Variants in ANKFN1 observed in about 807,000 individuals in gnomAD.
ANKFN1 encodes the protein ankyrin repeat and fibronectin type-III domain-containing protein 1.
Under a neutral mutation model 108.7 loss-of-function variants are expected in ANKFN1, and 74 were observed. The observed-to-expected ratio is 0.68, with a 90% CI of 0.56 to 0.83. The LOEUF (loss-of-function observed/expected upper bound fraction) is 0.83. Ranked by LOEUF, ANKFN1 falls within the 40% of genes least tolerant of loss-of-function variation. ANKFN1 has a pLI of 0.00. For missense variants in ANKFN1, 1,505 were observed against 1,382.3 expected (o/e 1.09, Z -1.41); for synonymous variants, 547 against 516.2 (o/e 1.06, Z -0.81).
chr17:56,431,305 T>C (rs1359958227), intron 8 of ANKFN1, among the ~76,000 whole-genome samples: 3 of 152,194 alleles, frequency 2.0e-5, no homozygotes, highest in Non-Finnish European at 2.9e-5. Context: ...TGAGGATAAA[T>C]GTTAAAATTA....
intron 4 of ANKFN1, among the ~76,000 whole-genome samples, chr17:56,135,153 C>A (rs1907524670): frequency 1.3e-5 from 2 of 152,104 alleles, no homozygotes; most frequent in South Asian, 2.1e-4. Flanking sequence ...TAAAATAAAT[C>A]AAAGAATCTA....
chr17:56,378,869 C>T (rs1406048452), intron 8 of ANKFN1, among the ~76,000 whole-genome samples: 2 of 152,164 alleles, frequency 1.3e-5, no homozygotes, highest in African/African-American at 4.8e-5. Context: ...GTGCTCAAGA[C>T]TCACTTCTAA....
At chr17:56,454,718 G>A (rs1161404936) in intron 11 of ANKFN1, among the ~76,000 whole-genome samples, 2 of 152,154 alleles carry the variant, frequency 1.3e-5, no homozygotes, top group Non-Finnish European at 2.9e-5. Flanking sequence ...TGCTTGGAAG[G>A]TATAAGTTTG....
Position 56,049,554 on chromosome 17 carries a change from AC to A in ANKFN1, c.288+3231del, listed in dbSNP as rs1389536837. Among the ~76,000 whole-genome samples the A allele has an allele frequency of 4.7e-5, 7 of 147,782 alleles. No individual in the cohort carries two copies. The East Asian group carries it at 1.2e-3, about 26-fold the overall frequency. ...TATCCCTCCCCCTTCCCCCGACCCC[AC>A]CACAGTCCCCAGAGTGTGATATTCC... On this transcript the variant is annotated intron_variant, in intron 4 of 12. Transcript: ENST00000635860.
intron 1 of ANKFN1, among the ~76,000 whole-genome samples, chr17:56,156,760 C>T (rs915045317): frequency 3.9e-5 from 6 of 152,192 alleles, no homozygotes; most frequent in African/African-American, 1.4e-4. Flanking sequence ...TAGCAAACTA[C>T]AGCCCCACAG....
chr17:56,227,073 G>A (rs2143905552), intron 2 of ANKFN1, among the ~76,000 whole-genome samples: 1 of 152,266 alleles, frequency 6.6e-6, no homozygotes, highest in Non-Finnish European at 1.5e-5. Context: ...AGGACACCAT[G>A]ATTTGAGTGC....
intron 6 of ANKFN1, among the ~76,000 whole-genome samples, chr17:56,371,352 G>A (rs1017340671): frequency 2.6e-5 from 4 of 152,056 alleles, no homozygotes; most frequent in Non-Finnish European, 5.9e-5. Context: ...GTGCACAGAG[G>A]CAATAATAAA....
At chr17:56,405,515 C>T (rs1018199129) in intron 8 of ANKFN1, among the ~76,000 whole-genome samples, 1 of 151,984 alleles carries the variant, frequency 6.6e-6, no homozygotes, top group Non-Finnish European at 1.5e-5. Flanking sequence ...TAATCTTTGA[C>T]CTGGTAATTC....
intron 4 of ANKFN1, among the ~76,000 whole-genome samples, chr17:56,144,317 CA>C (rs1908125935): frequency 6.6e-6 from 1 of 152,130 alleles, no homozygotes; most frequent in South Asian, 2.1e-4. Context: ...GAGTACACCA[CA>C]GGTTGCACTT....
intron 1 of ANKFN1, among the ~76,000 whole-genome samples, chr17:56,162,804 G>A (rs543479169): frequency 2.0e-5 from 3 of 152,296 alleles, no homozygotes; most frequent in Admixed American, 6.5e-5. Flanking sequence ...GAGAGACTGA[G>A]GCGGGTGGAT....
chr17:56,467,898 A>C (rs1412952554), intron 15 of ANKFN1, among the ~76,000 whole-genome samples: 2 of 152,176 alleles, frequency 1.3e-5, no homozygotes, highest in Non-Finnish European at 2.9e-5. Context: ...GTTAAATGAC[A>C]TAGAGCTACA....
rs1291531746 is a variant in ANKFN1, at chr17:56,498,987, C to G, written c.2533C>G (p.Pro845Ala). The G allele has an allele frequency of 6.5e-7, 1 of 1,535,530 alleles. No homozygotes were observed. The highest frequency in any genetic ancestry group is 8.7e-7 in the Non-Finnish European group (1 of 1,146,622). Reference protein sequence around the residue: ...SGLPITKLIDPSDEQSLKKIN... With the variant: ...SGLPITKLIDASDEQSLKKIN... ...CTTGCCCATCACTAAGCTGATAGAC[C>G]CCTCAGATGAGCAGAGCCTAAAGAA... is the stretch of plus-strand genomic sequence containing the variant. Residue 845 changes from proline to alanine, a missense_variant, in exon 20 of 21, where the codon CCC becomes GCC. Transcript: ENST00000682825.
At chr17:56,092,175 C>T (rs1598093030) in intron 4 of ANKFN1, among the ~76,000 whole-genome samples, 1 of 151,184 alleles carries the variant, frequency 6.6e-6, no homozygotes, top group East Asian at 1.9e-4. Context: ...TATATAGAGA[C>T]CCATCTGCCT....
Position 56,178,905 on chromosome 17 carries a change from TTATTAA to T in ANKFN1, c.-71+25382_-71+25387del, listed in dbSNP as rs10548122. 8.1e-3 allele frequency among the ~76,000 whole-genome samples: 1,240 copies of T among 152,292 alleles called. 16 individuals are homozygous for T. The highest frequency in any genetic ancestry group is 0.028 in the African/African-American group (1,144 of 41,554). On this transcript the variant is annotated intron_variant, in intron 1 of 20. Coordinates refer to ENST00000682825, the MANE Select transcript of ANKFN1 (RefSeq NM_001370326.1). ...TTAAAACAGATTTTGAGAAATTCTATTATTAATATTAAGTTATTTTCTACGCAATAT... is the reference window on the plus strand; with the variant it reads ...TTAAAACAGATTTTGAGAAATTCTATTATTAAGTTATTTTCTACGCAATAT...
At chr17:56,049,041 A>G (rs973528946) in intron 4 of ANKFN1, among the ~76,000 whole-genome samples, 4 of 152,206 alleles carry the variant, frequency 2.6e-5, no homozygotes, top group African/African-American at 4.8e-5. Flanking sequence ...GGGCGCAAGG[A>G]TTTCTGAATG....
intron 1 of ANKFN1, among the ~76,000 whole-genome samples, chr17:56,158,911 G>A (rs771409541): frequency 5.3e-5 from 8 of 151,336 alleles, no homozygotes; most frequent in Non-Finnish European, 1.0e-4. Context: ...GCCATCAGAA[G>A]TAAACTAATA....
intron 9 of ANKFN1, among the ~76,000 whole-genome samples, chr17:56,441,280 A>T (rs2049094123): frequency 6.6e-6 from 1 of 152,056 alleles, no homozygotes; most frequent in Non-Finnish European, 1.5e-5. Flanking sequence ...TTTTGTTATT[A>T]TTGTTGTTGT....
chr17:56,405,199 T>A (rs542395911), intron 8 of ANKFN1, among the ~76,000 whole-genome samples: 2 of 152,196 alleles, frequency 1.3e-5, no homozygotes, highest in African/African-American at 4.8e-5. Context: ...ATTTCTAATA[T>A]ATAAATAGCT....
chr17:56,501,496 G>C (rs1443130590), intron 20 of ANKFN1, among the ~76,000 whole-genome samples: 2 of 152,148 alleles, frequency 1.3e-5, no homozygotes, highest in African/African-American at 4.8e-5. Flanking sequence ...AAAGGTAAGA[G>C]AGAAGGAAAA....
Sources: allele counts gnomAD v4.1 joint callset (sites outside exome capture counted in the v4.1 genomes callset), GRCh38; gene constraint gnomAD v4.1.1; transcripts MANE v1.5; gene names NCBI Gene and HGNC (gene_info 2026-07-23, HGNC 2026-07-21).